The following PTBP3 variants were observed in gnomAD, a reference collection of about 807,000 sequenced individuals.
PTBP3 encodes the protein polypyrimidine tract binding protein 3.
PTBP3 carries 20 observed loss-of-function variants against 58.7 expected under a neutral mutation model. That is an observed-to-expected ratio of 0.34 (90% CI 0.24 to 0.50). PTBP3 has a LOEUF of 0.50. Ranked by LOEUF, PTBP3 falls within the 20% of genes least tolerant of loss-of-function variation. The probability of loss-of-function intolerance (pLI) is 0.98; values close to 1 mark genes in which losing one functional copy is unlikely to be tolerated. For synonymous variants in PTBP3, 185 were observed against 219.8 expected, an observed-to-expected ratio of 0.84 and a Z score of 1.40; for missense variants, 509 against 637.2, an observed-to-expected ratio of 0.80 and a Z score of 2.17.
intron 1 of PTBP3, among the ~76,000 whole-genome samples, chr9:112,331,670 T>C (rs1268973335): frequency 2.6e-5 from 4 of 152,238 alleles, no homozygotes; most frequent in Non-Finnish European, 5.9e-5. Flanking sequence ...GGGCAAATCA[T>C]GCTCCGACTT....
the PTBP3 span, among the ~76,000 whole-genome samples, chr9:112,374,465 C>A: frequency 6.6e-6 from 1 of 152,176 alleles, no homozygotes; most frequent in Non-Finnish European, 1.5e-5. Flanking sequence ...ATGGGAGAAA[C>A]AGTACCATAT....
At chr9:112,278,313 G>A (rs1827713483) in intron 2 of PTBP3, among the ~76,000 whole-genome samples, 1 of 152,148 alleles carries the variant, frequency 6.6e-6, no homozygotes, top group Non-Finnish European at 1.5e-5. Flanking sequence ...CTGGACGGGG[G>A]CGAGAGTTGA....
chr9:112,233,942 C>CAAA (rs33920406), intron 8 of PTBP3, among the ~76,000 whole-genome samples: 82,872 of 149,864 alleles, frequency 0.55, 24,416 homozygotes, highest in African/African-American at 0.79. Flanking sequence ...ACAACAACAA[C>CAAA]AAAAAAAAGA....
chr9:112,371,008 G>GT, the PTBP3 span, among the ~76,000 whole-genome samples: 16 of 151,294 alleles, frequency 1.1e-4, no homozygotes, highest in South Asian at 2.1e-4. Context: ...AGCTCTAGTA[G>GT]TTTTTTTTTG....
the PTBP3 span, among the ~76,000 whole-genome samples, chr9:112,353,148 A>C: frequency 6.6e-6 from 1 of 151,966 alleles, no homozygotes; most frequent in Non-Finnish European, 1.5e-5. Flanking sequence ...TGATCCACCC[A>C]CCTTGGCTTC....
At chr9:112,285,106 A>T (rs141833614) in intron 2 of PTBP3, among the ~76,000 whole-genome samples, 126 of 151,986 alleles carry the variant, frequency 8.3e-4, no homozygotes, top group African/African-American at 2.9e-3. Flanking sequence ...TGGAATTGTA[A>T]TCATCATGAT....
intron 1 of PTBP3, among the ~76,000 whole-genome samples, chr9:112,299,260 G>C (rs1828815397): frequency 6.6e-6 from 1 of 152,126 alleles, no homozygotes; most frequent in Non-Finnish European, 1.5e-5. Flanking sequence ...TTAATATAAA[G>C]TTAGAAACCA....
the PTBP3 span, among the ~76,000 whole-genome samples, chr9:112,354,761 C>T: frequency 2.0e-5 from 3 of 152,028 alleles, no homozygotes; most frequent in Non-Finnish European, 2.9e-5. Context: ...GATTTTTAAG[C>T]TAATTTCAAA....
chr9:112,283,118 T>A (rs1342168223), intron 2 of PTBP3, among the ~76,000 whole-genome samples: 1 of 152,232 alleles, frequency 6.6e-6, no homozygotes, highest in East Asian at 1.9e-4. Context: ...CTTTTCTTTA[T>A]AAATTATCCA....
chr9:112,285,006 T>A (rs183524492), intron 2 of PTBP3, among the ~76,000 whole-genome samples: 1 of 149,208 alleles, frequency 6.7e-6, no homozygotes, highest in East Asian at 2.0e-4. Flanking sequence ...GGAGGCATGA[T>A]TGGTTTTGAA....
At chr9:112,379,132 T>C in the PTBP3 span, among the ~76,000 whole-genome samples, 2 of 152,150 alleles carry the variant, frequency 1.3e-5, no homozygotes, top group African/African-American at 4.8e-5. Flanking sequence ...GAGGTTACAA[T>C]GAGCCGAGAT....
At chr9:112,307,273 T>C (rs1829261238) in intron 1 of PTBP3, among the ~76,000 whole-genome samples, 2 of 152,160 alleles carry the variant, frequency 1.3e-5, no homozygotes, top group South Asian at 4.1e-4. Context: ...GGCAACAGAA[T>C]GAGATCCCAT....
chr9:112,281,467 T>G (rs1486046089), intron 2 of PTBP3: 2 of 152,212 alleles, frequency 1.3e-5, no homozygotes, highest in African/African-American at 4.8e-5. Flanking sequence ...CAAAAACCCC[T>G]GATTTTAATT....
chr9:112,374,397 G>A, the PTBP3 span, among the ~76,000 whole-genome samples: 298 of 152,248 alleles, frequency 2.0e-3, no homozygotes, highest in African/African-American at 7.0e-3. Context: ...TGGGCGTTAC[G>A]GTAAGTAGTG....
intron 7 of PTBP3, among the ~76,000 whole-genome samples, chr9:112,250,214 G>C (rs1836051548): frequency 6.6e-6 from 1 of 151,866 alleles, no homozygotes; most frequent in Admixed American, 6.6e-5. Context: ...ATTTGGAAAA[G>C]GAAAAATCAA....
intron 2 of PTBP3, among the ~76,000 whole-genome samples, chr9:112,287,110 C>G (rs112956038): frequency 4.9e-4 from 74 of 152,182 alleles, no homozygotes; most frequent in African/African-American, 1.8e-3. Flanking sequence ...TTATGATAAG[C>G]CTGGGTGTGG....
intron 1 of PTBP3, among the ~76,000 whole-genome samples, chr9:112,307,393 T>A (rs1278531668): frequency 6.6e-6 from 1 of 152,124 alleles, no homozygotes; most frequent in Admixed American, 6.6e-5. Context: ...GTCGAGGTTC[T>A]GTGAGCTAAG....
chr9:112,335,026 CAAGAT>C (rs935269262), upstream of PTBP3, among the ~76,000 whole-genome samples: 4 of 152,266 alleles, frequency 2.6e-5, no homozygotes, highest in East Asian at 1.9e-4. Context: ...AGAATATCAA[CAAGAT>C]AAGTAGCTGA....
chr9:112,344,862 G>T, the PTBP3 span, among the ~76,000 whole-genome samples: 2 of 152,018 alleles, frequency 1.3e-5, no homozygotes, highest in Non-Finnish European at 2.9e-5. Flanking sequence ...AGCCAGGCAC[G>T]GTGGCTCACA....
Sources: gnomAD v4.1 joint callset for allele counts (sites outside exome capture counted in the v4.1 genomes callset) on GRCh38, gnomAD v4.1.1 for gene constraint, MANE v1.5 for transcripts, NCBI Gene and HGNC (gene_info 2026-07-23, HGNC 2026-07-21) for gene names.